The following PRORP variants were observed in gnomAD, a reference collection of about 807,000 sequenced individuals.
PRORP encodes the protein protein only RNase P catalytic subunit, also known as mitochondrial ribonuclease P catalytic subunit.
PRORP carries 51 observed loss-of-function variants against 59.4 expected under a neutral mutation model. That is an observed-to-expected ratio of 0.86 (90% confidence interval 0.69 to 1.08). The LOEUF is 1.08. Ranked by LOEUF, PRORP falls within the 50% of genes least tolerant of loss-of-function variation. The probability of loss-of-function intolerance (pLI) is 0.00; values close to 1 mark genes in which losing one functional copy is unlikely to be tolerated. For synonymous variants in PRORP, 231 were observed against 245.6 expected (o/e 0.94, Z 0.55); for missense variants, 646 against 690.3 (o/e 0.94, Z 0.72).
At chr14:35,188,961 A>AAAAAGAAAG (rs1555326788) in intron 5 of PRORP, among the ~76,000 whole-genome samples, 9,478 of 132,506 alleles carry the variant, frequency 0.072, 474 homozygotes, top group Middle Eastern at 0.1. Flanking sequence ...AAAAAAAAAA[A>AAAAAGAAAG]AAAGTATTGC....
intron 6 of PRORP, among the ~76,000 whole-genome samples, 172 bp from the exon 7 acceptor site, chr14:35,270,229 A>T (rs1395965980): frequency 6.6e-6 from 1 of 152,242 alleles, no homozygotes; most frequent in Non-Finnish European, 1.5e-5. Context: ...TGTTCTAGAT[A>T]GTATTGCTTA....
chr14:35,247,482 G>A (rs1180222422), intron 5 of PRORP, among the ~76,000 whole-genome samples: 3 of 152,140 alleles, frequency 2.0e-5, no homozygotes, highest in African/African-American at 4.8e-5. Flanking sequence ...GACAAAAGCT[G>A]TGTAAATTAG....
At chr14:35,190,694 C>T (rs1188822665) in intron 5 of PRORP, among the ~76,000 whole-genome samples, 6 of 151,802 alleles carry the variant, frequency 4.0e-5, no homozygotes, top group South Asian at 2.1e-4. Context: ...TTAGTAGAGG[C>T]GGGGTTTCAC....
At chr14:35,266,504 C>A (rs948656409) in intron 5 of PRORP, among the ~76,000 whole-genome samples, 2 of 151,968 alleles carry the variant, frequency 1.3e-5, no homozygotes, top group African/African-American at 2.4e-5. Context: ...AAAGAAACCC[C>A]CCCCTGCAAT....
At chr14:35,228,129 C>G (rs2049983173) in intron 5 of PRORP, among the ~76,000 whole-genome samples, 1 of 152,106 alleles carries the variant, frequency 6.6e-6, no homozygotes, top group Non-Finnish European at 1.5e-5. Flanking sequence ...GGCGATAGAG[C>G]AAGACTCCGT....
At chr14:35,130,531 G>C (rs2047214558) in intron 4 of PRORP, among the ~76,000 whole-genome samples, 1 of 151,020 alleles carries the variant, frequency 6.6e-6, no homozygotes, top group Non-Finnish European at 1.5e-5. Flanking sequence ...GCCCAGGTTG[G>C]AATGGAGTGG....
In PRORP at chr14:35,124,100, C is replaced by T. The variant is rs760185502; in HGVS notation, c.855C>T (p.Phe285=). The T allele has an allele frequency of 8.7e-6, 14 of 1,613,470 alleles. No homozygotes were observed. Among genetic ancestry groups the T allele is most frequent in the Non-Finnish European group, 1.1e-5 (13 of 1,179,782 alleles). Residue 285 remains phenylalanine (F), a synonymous_variant, in exon 2 of 8, where the codon TTC becomes TTT. Coordinates refer to ENST00000534898, the MANE Select transcript of PRORP (RefSeq NM_014672.4). ...CTATGTTGGAAACTTTAAAAGCTTT[C>T]TTTGATTTTGGAAAAGACATAAAGG... is the stretch of plus-strand genomic sequence containing the variant. The part of the protein sequence containing the change: ...IVPMLETLKA[F]FDFGKDIKDD...
chr14:35,131,949 C>T (rs962464944), intron 4 of PRORP, among the ~76,000 whole-genome samples: 2 of 152,008 alleles, frequency 1.3e-5, no homozygotes, highest in African/African-American at 4.8e-5. Flanking sequence ...AAGTGATTCT[C>T]CTGCCTCAGC....
At chr14:35,255,255 G>A (rs1419591402) in intron 5 of PRORP, among the ~76,000 whole-genome samples, 2 of 152,134 alleles carry the variant, frequency 1.3e-5, no homozygotes, top group East Asian at 3.9e-4. Context: ...AGCCTCCCAA[G>A]TAGCTGGGAC....
intron 5 of PRORP, among the ~76,000 whole-genome samples, chr14:35,206,569 G>A (rs1054227470): frequency 6.6e-6 from 1 of 152,136 alleles, no homozygotes; most frequent in African/African-American, 2.4e-5. Flanking sequence ...AATTCGAGAT[G>A]ATAGATCATT....
chr14:35,136,560 G>GAT lies in PRORP; in HGVS notation c.1167+8950_1167+8951insTA, dbSNP rs2138829027. 1.4e-5 allele frequency among the ~76,000 whole-genome samples: 2 copies of GAT among 144,974 alleles called. 1 individual carries two copies. Among genetic ancestry groups the GAT allele is most frequent in the East Asian group, 4.7e-4 (2 of 4,244 alleles). On this transcript the variant is annotated intron_variant, in intron 4 of 7. Coordinates refer to ENST00000534898, the MANE Select transcript of PRORP (RefSeq NM_014672.4). ...CGGCTAATTTTGTATTTTTAGTAGA[G>GAT]ACGGGGGTTTCTCCATATTGGTGAG...
rs116079609 is a variant in PRORP, at chr14:35,219,760, C to G, written c.1275+38983C>G. Among the ~76,000 whole-genome samples, 1,418 of 152,300 alleles carry G rather than the reference C, an allele frequency of 9.3e-3. 22 individuals carry two copies. The highest frequency in any genetic ancestry group is 0.032 in the African/African-American group (1,321 of 41,558). On this transcript the variant is annotated intron_variant, in intron 5 of 7. Coordinates refer to ENST00000534898, the MANE Select transcript of PRORP (RefSeq NM_014672.4). ...TATTTGCTTGTATCAAAATACACCTCTCTATTGTCTAGAGAGTAGAGGTGT... is the reference window on the plus strand; with the variant it reads ...TATTTGCTTGTATCAAAATACACCTGTCTATTGTCTAGAGAGTAGAGGTGT...
intron 5 of PRORP, among the ~76,000 whole-genome samples, chr14:35,186,839 G>A (rs2048755492): frequency 6.6e-6 from 1 of 151,950 alleles, no homozygotes; most frequent in Non-Finnish European, 1.5e-5. Context: ...CCTGGCCTCA[G>A]GCAGTCCTCC....
chr14:35,226,506 A>G (rs1244029209), intron 5 of PRORP, among the ~76,000 whole-genome samples: 1 of 152,150 alleles, frequency 6.6e-6, no homozygotes, highest in Non-Finnish European at 1.5e-5. Flanking sequence ...AGAGTGGAAA[A>G]GGGGCTGACT....
intron 5 of PRORP, among the ~76,000 whole-genome samples, chr14:35,207,879 C>T (rs941686842): frequency 3.9e-4 from 59 of 152,242 alleles, no homozygotes; most frequent in African/African-American, 1.4e-3. Context: ...TGGCCGGGCG[C>T]GGTGGCTCAC....
intron 5 of PRORP, among the ~76,000 whole-genome samples, chr14:35,237,752 G>A (rs1434309050): frequency 5.3e-5 from 8 of 152,042 alleles, no homozygotes; most frequent in African/African-American, 1.9e-4. Flanking sequence ...TCTGCCTCCC[G>A]GGTACAAGAG....
At chr14:35,244,306 A>G (rs1474650878) in intron 5 of PRORP, among the ~76,000 whole-genome samples, 1 of 152,228 alleles carries the variant, frequency 6.6e-6, no homozygotes, top group African/African-American at 2.4e-5. Context: ...TTAACTTTTT[A>G]GAGGACCAGT....
chr14:35,237,718 G>A (rs2050256409), intron 5 of PRORP, among the ~76,000 whole-genome samples: 1 of 152,148 alleles, frequency 6.6e-6, no homozygotes, highest in Admixed American at 6.6e-5. Flanking sequence ...GAGTACAGTG[G>A]TGCTATCTCG....
At chr14:35,172,413 T>TTTCCTTCCTTCCTTCCTTCCTTCCATCC (rs2048333280) in intron 4 of PRORP, among the ~76,000 whole-genome samples, 1 of 77,548 alleles carries the variant, frequency 1.3e-5, no homozygotes, top group Non-Finnish European at 2.6e-5. Flanking sequence ...GGTTTCTTTC[T>TTTCCTTCCTTCCTTCCTTCCTTCCATCC]TTCCTTCCTT....
Sources: allele counts gnomAD v4.1 joint callset (sites outside exome capture counted in the v4.1 genomes callset), GRCh38; gene constraint gnomAD v4.1.1; transcripts MANE v1.5; gene names NCBI Gene and HGNC (gene_info 2026-07-23, HGNC 2026-07-21).